The following GSDMB variants were observed in gnomAD, a reference collection of about 807,000 sequenced individuals.
GSDMB encodes the protein gasdermin-B.
GSDMB carries 32 observed loss-of-function variants against 42.9 expected under a neutral mutation model. That is an observed-to-expected ratio of 0.75 (90% CI 0.56 to 1.00). GSDMB has a LOEUF of 1.00. GSDMB is among the 50% of genes least tolerant of loss of function. The probability of loss-of-function intolerance (pLI) is 0.00; values close to 1 mark genes in which losing one functional copy is unlikely to be tolerated. For synonymous variants in GSDMB, 175 were observed against 193.7 expected, an observed-to-expected ratio of 0.90 and a Z score of 0.80; for missense variants, 468 against 498.5, an observed-to-expected ratio of 0.94 and a Z score of 0.58.
intron 2 of GSDMB, among the ~76,000 whole-genome samples, chr17:39,916,440 G>A (rs1196897696): frequency 1.3e-5 from 2 of 151,574 alleles, no homozygotes; most frequent in Non-Finnish European, 2.9e-5. Flanking sequence ...ATGCCACCAC[G>A]CCTGGCTAAT....
intron 7 of GSDMB, 94 bp downstream of exon 7, chr17:39,906,867 C>T: frequency 1.3e-6 from 2 of 1,594,248 alleles, no homozygotes; most frequent in Non-Finnish European, 1.7e-6. Flanking sequence ...TTCCTACCCA[C>T]TCAGCTGACC....
chr17:39,917,589 CG>C (rs1555651078), intron 1 of GSDMB: 1,831 of 95,758 alleles, frequency 0.019, 55 homozygotes, highest in East Asian at 0.17. Flanking sequence ...GTCTCCCCGC[CG>C]CCGCCCTTAA....
At chr17:39,914,047 T>G (rs1173877242) in intron 2 of GSDMB, among the ~76,000 whole-genome samples, 1 of 151,096 alleles carries the variant, frequency 6.6e-6, no homozygotes, top group Non-Finnish European at 1.5e-5. Flanking sequence ...AAAAGAAAAA[T>G]AAAAACTATG....
At chr17:39,913,528 G>A (rs968862514) in intron 2 of GSDMB, among the ~76,000 whole-genome samples, 2 of 152,084 alleles carry the variant, frequency 1.3e-5, no homozygotes, top group Non-Finnish European at 2.9e-5. Flanking sequence ...CAGGAGAATC[G>A]CTTGAACCTG....
chr17:39,905,054 G>A, intron 10 of GSDMB, 90 bp from the exon 11 acceptor site: 1 of 1,055,254 alleles, frequency 9.5e-7, no homozygotes, highest in Non-Finnish European at 1.5e-6. Flanking sequence ...CTGCTGAGCT[G>A]ATAGGCAGAC....
intron 3 of GSDMB, 60 bp from the exon 4 acceptor site, chr17:39,909,984 C>G: frequency 4.5e-6 from 6 of 1,324,352 alleles, no homozygotes; most frequent in Non-Finnish European, 6.4e-6. Context: ...CCCACTGACT[C>G]TTTTCCCTCT....
At chr17:39,907,054 C>A in intron 6 of GSDMB, 67 bp from the exon 7 acceptor site, 1 of 1,610,260 alleles carries the variant, frequency 6.2e-7, no homozygotes, top group South Asian at 1.1e-5. Context: ...GACTTCTCTT[C>A]CCAGTGATGG....
chr17:39,905,380 C>T (rs374283060), intron 10 of GSDMB, 46 bp downstream of exon 10: 32 of 1,313,190 alleles, frequency 2.4e-5, no homozygotes, highest in Non-Finnish European at 2.8e-5. Flanking sequence ...AGAATATGGG[C>T]ATTCCCTTCC....
At chr17:39,906,072 T>C (rs767782839) in intron 8 of GSDMB, 39 bp downstream of exon 8, 2 of 1,612,792 alleles carry the variant, frequency 1.2e-6, no homozygotes, top group Non-Finnish European at 1.7e-6. Context: ...CTCTGGCTCC[T>C]ATCTCTCTCT....
In GSDMB at chr17:39,909,774, A is replaced by T. The variant is rs375762243; in HGVS notation, c.558T>A (p.His186Gln). The T allele has an allele frequency of 5.0e-6, 8 of 1,613,862 alleles. No individual in the cohort carries two copies. Among genetic ancestry groups the T allele is most frequent in the African/African-American group, 1.3e-5 (1 of 74,918 alleles). Residue 186 changes from histidine to glutamine, a missense_variant, in exon 4 of 11, where the codon CAT (histidine) becomes CAA (glutamine). By Grantham distance (24) the His-to-Gln change is conservative. Coordinates refer to ENST00000418519, the MANE Select transcript of GSDMB (RefSeq NM_001165958.2). ...YKFWSQISQG[H>Q]LSYKHKGQRE... ...TCCTAACCTTGTGTTTATAGCTGAG[A>T]TGGCCCTGAGAGATCTGGCTCCAAA...
chr17:39,905,093 G>A (rs2063480377), intron 10 of GSDMB, 129 bp from the exon 11 acceptor site: 3 of 787,632 alleles, frequency 3.8e-6, no homozygotes, highest in Admixed American at 4.2e-5. Context: ...ACTCTTTCCT[G>A]CAGAGCCCGG....
intron 4 of GSDMB, chr17:39,909,485 CCAG>C (rs1227737876): frequency 2.4e-6 from 1 of 424,968 alleles, no homozygotes; most frequent in Non-Finnish European, 4.2e-6. Context: ...TTGCTTGAGC[CCAG>C]GAGTTTGAGA....
Position 39,906,277 on chromosome 17 carries a change from G to A in GSDMB, c.728-6C>T, listed in dbSNP as rs201313211. ...CTCCGAACCCAAAGACTTTCCTGTA[G>A]AGGCAGCAATTGAGAACCTGGGCCA... is the stretch of plus-strand genomic sequence containing the variant. On this transcript the variant is annotated splice_region_variant and splice_polypyrimidine_tract_variant and intron_variant, in intron 7 of 10. Coordinates refer to ENST00000418519, the MANE Select transcript of GSDMB (RefSeq NM_001165958.2). 1.4e-5 allele frequency: 22 copies of A among 1,613,740 alleles called. No individual in the cohort carries two copies. The highest frequency in any genetic ancestry group is 1.9e-5 in the Non-Finnish European group (22 of 1,179,924).
chr17:39,906,670 A>T, intron 7 of GSDMB: 1 of 1,235,948 alleles, frequency 8.1e-7, no homozygotes, highest in Non-Finnish European at 1.0e-6. Context: ...GAGTTATTAC[A>T]AATCCTGATG....
At chr17:39,905,651 C>G (rs1218629642) in intron 9 of GSDMB, among the ~76,000 whole-genome samples, 155 bp from the exon 10 acceptor site, 1 of 152,126 alleles carries the variant, frequency 6.6e-6, no homozygotes, top group African/African-American at 2.4e-5. Context: ...TGCTGTGACT[C>G]CTGCTTCCCT....
chr17:39,906,054 G>A lies in GSDMB; in HGVS notation c.888+57C>T. 3 of 1,540,210 alleles carry A rather than the reference G, an allele frequency of 1.9e-6. 1 individual carries two copies. The South Asian group carries it at 3.4e-5, about 17-fold the overall frequency. Reference sequence around the variant, plus strand: ...GCAGATTATCCTCACTGTGCCAACTGCCATCCCCTCTGGCTCCTATCTCTC... The same window carrying A: ...GCAGATTATCCTCACTGTGCCAACTACCATCCCCTCTGGCTCCTATCTCTC... On this transcript the variant is annotated intron_variant, in intron 8 of 10. Coordinates refer to ENST00000418519, the MANE Select transcript of GSDMB (RefSeq NM_001165958.2).
Position 39,908,987 on chromosome 17 carries a change from T to C in GSDMB, c.632A>G (p.Gln211Arg). The change falls in exon 5 of 11, where the codon CAG becomes CGG. Residue 211 changes from glutamine (Q) to arginine (R), a missense_variant. Coordinates refer to ENST00000418519, the MANE Select transcript of GSDMB (RefSeq NM_001165958.2). Reference protein sequence around the residue: ...PNRVLSYRVKQLVFPNKETMN... With the variant: ...PNRVLSYRVKRLVFPNKETMN... ...CGTCTCCTTGTTGGGGAAGACAAGC[T>C]GCTTTACTCGATAGCTCAGGACCCG... The C allele has an allele frequency of 6.2e-7, 1 of 1,607,728 alleles. No individual in the cohort carries two copies. Among genetic ancestry groups the C allele is most frequent in the Non-Finnish European group, 8.5e-7 (1 of 1,176,982 alleles).
intron 1 of GSDMB, chr17:39,917,544 T>G (rs1409177595): frequency 6.0e-6 from 3 of 500,878 alleles, no homozygotes; most frequent in Non-Finnish European, 1.1e-5. Context: ...ATTCCACCAT[T>G]GTGATTTGTT....
chr17:39,913,681 G>A (rs1216689331), intron 2 of GSDMB, among the ~76,000 whole-genome samples: 1 of 152,198 alleles, frequency 6.6e-6, no homozygotes, highest in Non-Finnish European at 1.5e-5. Flanking sequence ...AGGCAACCCT[G>A]GAAAGTCACA....
Sources: gnomAD v4.1 joint callset for allele counts (sites outside exome capture counted in the v4.1 genomes callset) on GRCh38, gnomAD v4.1.1 for gene constraint, MANE v1.5 for transcripts, NCBI Gene and HGNC (gene_info 2026-07-23, HGNC 2026-07-21) for gene names.